GABRG2: variants seen among roughly 807,000 people sequenced by gnomAD.
GABRG2 encodes gamma-aminobutyric acid receptor subunit gamma-2.
GABRG2 carries 16 observed loss-of-function variants against 56.4 expected under a neutral mutation model. That is an observed-to-expected ratio of 0.28 (90% CI 0.19 to 0.43). GABRG2 has a LOEUF of 0.43. GABRG2 is among the 20% of genes least tolerant of loss of function. The pLI is 1.00. For missense variants in GABRG2, 327 were observed against 582.7 expected, an observed-to-expected ratio of 0.56 and a Z score of 4.52; for synonymous variants, 208 against 205.5, an observed-to-expected ratio of 1.01 and a Z score of -0.10.
intron 1 of GABRG2, among the ~76,000 whole-genome samples, chr5:162,078,304 G>T (rs567282516): frequency 7.2e-6 from 1 of 138,144 alleles, no homozygotes; most frequent in East Asian, 2.2e-4. Context: ...AAATTAATCA[G>T]ATCCCTTTAA....
intron 6 of GABRG2, among the ~76,000 whole-genome samples, chr5:162,119,896 A>G (rs1474460293): frequency 6.6e-6 from 1 of 152,118 alleles, no homozygotes; most frequent in Non-Finnish European, 1.5e-5. Flanking sequence ...GAGCTATTGT[A>G]GTTCTTAATT....
At chr5:162,078,091 T>C in intron 1 of GABRG2, among the ~76,000 whole-genome samples, 1 of 152,182 alleles carries the variant, frequency 6.6e-6, no homozygotes, top group South Asian at 2.1e-4. Context: ...AGCTGATTCC[T>C]ACTTAGTAGG....
chr5:162,138,663 A>G (rs1463311250), intron 6 of GABRG2, among the ~76,000 whole-genome samples: 1 of 152,188 alleles, frequency 6.6e-6, no homozygotes, highest in East Asian at 1.9e-4. Flanking sequence ...GTAGAATAAG[A>G]TACACTTTAT....
chr5:162,072,710 C>T (rs1758772336), intron 1 of GABRG2, among the ~76,000 whole-genome samples: 1 of 151,958 alleles, frequency 6.6e-6, no homozygotes, highest in Non-Finnish European at 1.5e-5. Flanking sequence ...CACAAACACA[C>T]ATACACAGAC....
At chr5:162,078,930 T>C (rs1321601620) in intron 1 of GABRG2, among the ~76,000 whole-genome samples, 1 of 151,346 alleles carries the variant, frequency 6.6e-6, no homozygotes, top group East Asian at 1.9e-4. Context: ...AACCTTTCAG[T>C]CACATTGCAT....
chr5:162,089,116 T>C (rs1007049037), intron 1 of GABRG2, among the ~76,000 whole-genome samples: 2 of 152,092 alleles, frequency 1.3e-5, no homozygotes, highest in African/African-American at 4.8e-5. Flanking sequence ...GTCTCTACGA[T>C]GGGATGTTTG....
chr5:162,152,547 T>G (rs1326929604), intron 9 of GABRG2: 1 of 368,134 alleles, frequency 2.7e-6, no homozygotes, highest in East Asian at 7.1e-5. Flanking sequence ...TCATAGTCCT[T>G]TAAAACATAA....
At chr5:162,078,804 C>G (rs1009445402) in intron 1 of GABRG2, among the ~76,000 whole-genome samples, 3 of 151,712 alleles carry the variant, frequency 2.0e-5, no homozygotes, top group African/African-American at 7.3e-5. Context: ...TAGATATTTT[C>G]CATTTAAAGT....
At chr5:162,073,150 A>G (rs1758809338) in intron 1 of GABRG2, among the ~76,000 whole-genome samples, 1 of 151,984 alleles carries the variant, frequency 6.6e-6, no homozygotes, top group Non-Finnish European at 1.5e-5. Flanking sequence ...TGTCGAATCT[A>G]TAGAAGGACA....
intron 6 of GABRG2, among the ~76,000 whole-genome samples, chr5:162,105,864 G>T (rs970546062): frequency 6.7e-6 from 1 of 149,180 alleles, no homozygotes. Flanking sequence ...TTAATCTCCA[G>T]TTCTTCATGC....
intron 6 of GABRG2, among the ~76,000 whole-genome samples, chr5:162,137,253 A>G (rs1764203508): frequency 6.6e-6 from 1 of 152,130 alleles, no homozygotes; most frequent in Admixed American, 6.5e-5. Context: ...AATATTTGAA[A>G]ACTTTTTGTT....
chr5:162,076,386 T>A (rs1227363157), intron 1 of GABRG2, among the ~76,000 whole-genome samples: 1 of 152,176 alleles, frequency 6.6e-6, no homozygotes, highest in Non-Finnish European at 1.5e-5. Context: ...GGGATTTTTT[T>A]AAATACAACT....
intron 6 of GABRG2, among the ~76,000 whole-genome samples, chr5:162,137,096 C>G (rs564534073): frequency 6.6e-6 from 1 of 152,096 alleles, no homozygotes; most frequent in African/African-American, 2.4e-5. Flanking sequence ...AAGTTTGCAA[C>G]TGATTAATTT....
chr5:162,106,615 A>G (rs1375242742), intron 6 of GABRG2, among the ~76,000 whole-genome samples: 2 of 152,206 alleles, frequency 1.3e-5, no homozygotes, highest in African/African-American at 4.8e-5. Context: ...ATCTTAGCCA[A>G]TTATAATGTG....
At chr5:162,102,997 A>G (rs1420747591) in intron 5 of GABRG2, 2 of 153,892 alleles carry the variant, frequency 1.3e-5, no homozygotes, top group Non-Finnish European at 2.9e-5. Context: ...AATAATTAGT[A>G]TTATTAGTAG....
At chr5:162,115,717 A>G (rs1001198172) in intron 6 of GABRG2, among the ~76,000 whole-genome samples, 5 of 152,158 alleles carry the variant, frequency 3.3e-5, no homozygotes, top group Admixed American at 3.3e-4. Flanking sequence ...TCAAGAGTGC[A>G]TAAAAGGACC....
intron 7 of GABRG2, among the ~76,000 whole-genome samples, chr5:162,145,048 T>C (rs1241632285): frequency 5.9e-5 from 9 of 152,182 alleles, no homozygotes; most frequent in Admixed American, 1.3e-4. Context: ...TCCCATTACT[T>C]TTCTCAATGT....
At chr5:162,103,769 C>T (rs1761607273) in intron 5 of GABRG2, 120 bp from the exon 6 acceptor site, 1 of 1,121,046 alleles carries the variant, frequency 8.9e-7, no homozygotes, top group African/African-American at 1.5e-5. Context: ...GTCCAAGATC[C>T]TCATTTAGCT....
intron 4 of GABRG2, chr5:162,099,254 G>A (rs1761230194): frequency 1.3e-5 from 2 of 151,814 alleles, no homozygotes; most frequent in South Asian, 4.2e-4. Context: ...AGTAATGACT[G>A]AGTTTATTTT....
Sources: allele counts gnomAD v4.1 joint callset (sites outside exome capture counted in the v4.1 genomes callset), GRCh38; gene constraint gnomAD v4.1.1; transcripts MANE v1.5; gene names NCBI Gene and HGNC (gene_info 2026-07-23, HGNC 2026-07-21).